The following SEMA4D variants were observed in gnomAD, a reference collection of about 807,000 sequenced individuals.
SEMA4D encodes the protein semaphorin-4D.
A neutral mutation model predicts 74.8 loss-of-function variants in SEMA4D; 22 were observed. That is an observed-to-expected ratio of 0.29 (90% CI 0.21 to 0.42). The LOEUF is 0.42. Among genes scored for constraint, SEMA4D ranks in the 10% least tolerant of loss-of-function variants. SEMA4D has a pLI of 1.00. For missense variants in SEMA4D, 937 were observed against 1,118.4 expected (o/e 0.84, Z 2.31); for synonymous variants, 445 against 463.7 (o/e 0.96, Z 0.52).
At chr9:89,450,343 G>C in intron 2 of SEMA4D, 1 of 941,882 alleles carries the variant, frequency 1.1e-6, no homozygotes, top group Non-Finnish European at 1.8e-6. Flanking sequence ...ATGAAAACTT[G>C]ACATGCCTTC....
At chr9:89,410,779 G>T (rs36122959) in intron 2 of SEMA4D, among the ~76,000 whole-genome samples, 33,277 of 152,102 alleles carry the variant, frequency 0.22, 3,859 homozygotes, top group Non-Finnish European at 0.25. Flanking sequence ...CATCCTGAAA[G>T]GAGGGTTACA....
chr9:89,441,460 G>T (rs919006079), intron 2 of SEMA4D, among the ~76,000 whole-genome samples: 2 of 152,280 alleles, frequency 1.3e-5, no homozygotes, highest in Non-Finnish European at 2.9e-5. Flanking sequence ...CCGAGGTGAT[G>T]ATGGCAGAGG....
At chr9:89,450,737 A>C in intron 2 of SEMA4D, 1 of 1,395,912 alleles carries the variant, frequency 7.2e-7, no homozygotes, top group East Asian at 2.3e-5. Flanking sequence ...ATTAGAAGAA[A>C]ATGAAGCTGG....
At chr9:89,380,130 T>A (rs1474857317) in intron 15 of SEMA4D, among the ~76,000 whole-genome samples, 2 of 150,930 alleles carry the variant, frequency 1.3e-5, no homozygotes, top group Non-Finnish European at 2.9e-5. Context: ...CCCCCCCAGC[T>A]CAAGGGATCT....
chr9:89,413,177 G>A (rs2133977115), intron 2 of SEMA4D, among the ~76,000 whole-genome samples: 1 of 152,312 alleles, frequency 6.6e-6, no homozygotes, highest in East Asian at 1.9e-4. Flanking sequence ...CCATTAGAAA[G>A]ACAGGGTTGT....
At chr9:89,393,063 G>C (rs1840193922) in intron 7 of SEMA4D, among the ~76,000 whole-genome samples, 1 of 152,170 alleles carries the variant, frequency 6.6e-6, no homozygotes, top group Non-Finnish European at 1.5e-5. Context: ...CTCCCGAGTA[G>C]CTAGGACCAC....
intron 15 of SEMA4D, 150 bp downstream of exon 15, chr9:89,380,905 A>G (rs1244689728): frequency 1.1e-6 from 1 of 914,470 alleles, no homozygotes; most frequent in African/African-American, 1.7e-5. Flanking sequence ...GACAGAGAAG[A>G]CCACGAGTCT....
intron 16 of SEMA4D, among the ~76,000 whole-genome samples, chr9:89,370,340 G>C (rs1048700467): frequency 3.3e-5 from 5 of 150,652 alleles, no homozygotes; most frequent in African/African-American, 1.2e-4. Context: ...TACATGTGTC[G>C]TGTGGTGTAT....
At chr9:89,406,342 T>C (rs1843327907) in intron 2 of SEMA4D, among the ~76,000 whole-genome samples, 1 of 152,198 alleles carries the variant, frequency 6.6e-6, no homozygotes, top group Non-Finnish European at 1.5e-5. Context: ...AAGAAGTCTG[T>C]GCACCATAGA....
intron 1 of SEMA4D, among the ~76,000 whole-genome samples, chr9:89,477,104 C>G: frequency 6.6e-6 from 1 of 152,146 alleles, no homozygotes; most frequent in Admixed American, 6.5e-5. Context: ...GTTCAGTAAG[C>G]CTCCTAATGA....
At chr9:89,496,701 C>A (rs906799768) in intron 1 of SEMA4D, among the ~76,000 whole-genome samples, 1 of 152,244 alleles carries the variant, frequency 6.6e-6, no homozygotes, top group Non-Finnish European at 1.5e-5. Flanking sequence ...CAGAATCCTG[C>A]CCCTGCACTG....
At chr9:89,374,607 G>T (rs140512809), downstream of SEMA4D, among the ~76,000 whole-genome samples, 18 of 152,308 alleles carry the variant, frequency 1.2e-4, no homozygotes, top group African/African-American at 4.3e-4. Flanking sequence ...TGTGTTAAAT[G>T]CCCTGTGGTT....
downstream of SEMA4D, among the ~76,000 whole-genome samples, chr9:89,373,620 C>G (rs1334617306): frequency 1.3e-5 from 2 of 152,186 alleles, no homozygotes; most frequent in East Asian, 3.9e-4. Flanking sequence ...CTTTGCTAGC[C>G]CTTTAATCAG....
chr9:89,457,142 T>C (rs1325766744), intron 1 of SEMA4D, among the ~76,000 whole-genome samples: 1 of 152,102 alleles, frequency 6.6e-6, no homozygotes, highest in East Asian at 1.9e-4. Context: ...GTCGCTTTCA[T>C]CTTTCTGATG....
At chr9:89,419,354 C>T (rs1420240441) in intron 2 of SEMA4D, among the ~76,000 whole-genome samples, 1 of 152,184 alleles carries the variant, frequency 6.6e-6, no homozygotes, top group South Asian at 2.1e-4. Flanking sequence ...GGACCTGACA[C>T]CGACATTTCC....
chr9:89,414,308 T>C (rs1845214018), intron 2 of SEMA4D, among the ~76,000 whole-genome samples: 3 of 152,200 alleles, frequency 2.0e-5, no homozygotes, highest in Non-Finnish European at 4.4e-5. Context: ...AACTACTGCC[T>C]GGGGGAGCGT....
At chr9:89,446,913 G>A (rs146748648) in intron 2 of SEMA4D, among the ~76,000 whole-genome samples, 1 of 152,266 alleles carries the variant, frequency 6.6e-6, no homozygotes, top group East Asian at 1.9e-4. Context: ...GTGCCCCTGT[G>A]GGATAGGTGC....
chr9:89,399,481 C>G (rs573921293), intron 4 of SEMA4D, 143 bp from the exon 5 acceptor site: 4 of 657,484 alleles, frequency 6.1e-6, no homozygotes, highest in African/African-American at 3.6e-5. Flanking sequence ...AAGGGAGGTT[C>G]AGAGAGCAGG....
At chr9:89,427,630 C>A (rs1337515784) in intron 2 of SEMA4D, among the ~76,000 whole-genome samples, 1 of 152,178 alleles carries the variant, frequency 6.6e-6, no homozygotes, top group Non-Finnish European at 1.5e-5. Context: ...TCTCCACCCC[C>A]CGGTCAGCAG....
Sources: allele counts gnomAD v4.1 joint callset (sites outside exome capture counted in the v4.1 genomes callset), GRCh38; gene constraint gnomAD v4.1.1; transcripts MANE v1.5; gene names NCBI Gene and HGNC (gene_info 2026-07-23, HGNC 2026-07-21).